The following UNC5D variants were observed in gnomAD, a reference collection of about 807,000 sequenced individuals.
The protein encoded by UNC5D is netrin receptor UNC5D.
A neutral mutation model predicts 105.4 loss-of-function variants in UNC5D; 39 were observed. That is an observed-to-expected ratio of 0.37 (90% CI 0.29 to 0.48). The LOEUF is 0.48. Among genes scored for constraint, UNC5D ranks in the 20% least tolerant of loss-of-function variants. The pLI, the probability that UNC5D is intolerant of heterozygous loss-of-function variation, is 0.98. For synonymous variants in UNC5D, 452 were observed against 450.4 expected (o/e 1.00, Z -0.04); for missense variants, 991 against 1,202.4 (o/e 0.82, Z 2.60).
chr8:35,726,376 T>C lies in UNC5D; in HGVS notation c.1528T>C (p.Phe510Leu), dbSNP rs1317860731. ...EYHGKNHSRT[F>L]PHGNNHSFST... ...CCACGGCAAGAATCATTCCAGGACT[T>C]TTCCCCATGGAAACAACCACAGCTT... Residue 510 changes from phenylalanine (F) to leucine (L), a missense_variant, in exon 10 of 17, where the codon TTT (phenylalanine) becomes CTT (leucine). Physicochemically the swap from Phe to Leu is conservative, Grantham distance 22. Transcript: ENST00000404895. The C allele has an allele frequency of 1.2e-6, 2 of 1,614,102 alleles. No individual in the cohort carries two copies. The highest frequency in any genetic ancestry group is 8.5e-7 in the Non-Finnish European group (1 of 1,180,000).
chr8:35,684,409 G>C (rs1825872373), intron 5 of UNC5D, among the ~76,000 whole-genome samples, 173 bp from the exon 6 acceptor site: 1 of 152,132 alleles, frequency 6.6e-6, no homozygotes, highest in East Asian at 1.9e-4. Context: ...CTGAGGACTG[G>C]ATGAGATGAC....
At chr8:35,525,862 C>T (rs1300221764) in intron 1 of UNC5D, 5 of 1,246,466 alleles carry the variant, frequency 4.0e-6, no homozygotes, top group African/African-American at 3.0e-5. Context: ...ATAGTAAAAT[C>T]CAGTTTAGCT....
Position 35,403,141 on chromosome 8 carries a change from T to C in UNC5D, c.104-146151T>C, listed in dbSNP as rs1180981304. Among the ~76,000 whole-genome samples the C allele has an allele frequency of 3.9e-5, 6 of 152,234 alleles. No homozygotes were observed. The South Asian group carries it at 1.0e-3, about 26-fold the overall frequency. ...CAGGCCAGGTCATCACATTATACCA[T>C]GTAAATCACAGAAATGAAAGCATAG... On this transcript the variant is annotated intron_variant, in intron 1 of 16. Transcript: ENST00000404895.
intron 1 of UNC5D, among the ~76,000 whole-genome samples, chr8:35,479,546 C>T (rs1014768819): frequency 4.3e-4 from 65 of 152,062 alleles, no homozygotes; most frequent in African/African-American, 1.6e-3. Context: ...CCAAGATGCC[C>T]ATCAACAGTA....
chr8:35,705,323 T>G (rs1242374074), intron 7 of UNC5D, among the ~76,000 whole-genome samples: 1 of 152,216 alleles, frequency 6.6e-6, no homozygotes, highest in Non-Finnish European at 1.5e-5. Context: ...ACTGTGATTA[T>G]AAAATGACAA....
rs762133065 is a variant in UNC5D at position 35,790,499 on chromosome 8, C to G, written c.2798C>G (p.Ser933Ter). The G allele has an allele frequency of 1.9e-6, 3 of 1,613,916 alleles. No individual in the cohort carries two copies. Among genetic ancestry groups the G allele is most frequent in the South Asian group, 1.1e-5 (1 of 91,080 alleles). The change falls in exon 17 of 17, where the codon TCA (serine) becomes TGA (stop). Residue 933 changes from serine (S) to a stop codon, truncating the protein, a stop_gained. Coordinates refer to ENST00000404895, the MANE Select transcript of UNC5D (RefSeq NM_080872.4). LOFTEE classifies it high-confidence loss of function. ...EEIGRTHTKL[S>*]NISESQLDEA... ...ATTGGGAGGACACACACGAAACTCT[C>G]AAACATTTCAGAATCCCAGCTTGAT...
intron 1 of UNC5D, among the ~76,000 whole-genome samples, chr8:35,427,210 G>C (rs1806311175): frequency 6.6e-6 from 1 of 152,148 alleles, no homozygotes; most frequent in Non-Finnish European, 1.5e-5. Flanking sequence ...ATAAGAAGAT[G>C]CTGACATGCT....
chr8:35,666,034 G>A (rs1357620133), intron 4 of UNC5D, among the ~76,000 whole-genome samples: 2 of 151,290 alleles, frequency 1.3e-5, no homozygotes, highest in Non-Finnish European at 2.9e-5. Context: ...TTCTTGAATG[G>A]ATTATTAGGG....
In UNC5D at chr8:35,486,545, A is replaced by G. The variant is rs75570393; in HGVS notation, c.104-62747A>G. Among the ~76,000 whole-genome samples the G allele has an allele frequency of 4.1e-3, 627 of 152,274 alleles. 8 individuals are homozygous for G. The highest frequency in any genetic ancestry group is 0.014 in the African/African-American group (591 of 41,562). On this transcript the variant is annotated intron_variant, in intron 1 of 16. Transcript: ENST00000404895. ...AGAGTCAAGTCATAATTTTTTAATT[A>G]TTATTAACTAGGTTTTATTTTCATC...
intron 4 of UNC5D, among the ~76,000 whole-genome samples, chr8:35,611,337 G>A (rs1820667865): frequency 6.6e-6 from 1 of 152,062 alleles, no homozygotes; most frequent in South Asian, 2.1e-4. Flanking sequence ...TTATCAAAAA[G>A]CTTCGTGGCC....
At chr8:35,446,133 T>A (rs2128987435) in intron 1 of UNC5D, among the ~76,000 whole-genome samples, 1 of 152,022 alleles carries the variant, frequency 6.6e-6, no homozygotes, top group East Asian at 1.9e-4. Flanking sequence ...TGACCTCAAT[T>A]TGTAGCCTTT....
At chr8:35,604,136 C>T (rs966281741) in intron 4 of UNC5D, among the ~76,000 whole-genome samples, 1 of 152,080 alleles carries the variant, frequency 6.6e-6, no homozygotes, top group African/African-American at 2.4e-5. Flanking sequence ...TTCTTCGTAG[C>T]CTTGAGGGTC....
intron 2 of UNC5D, among the ~76,000 whole-genome samples, chr8:35,560,128 C>A (rs1816855390): frequency 6.6e-6 from 1 of 152,204 alleles, no homozygotes; most frequent in Non-Finnish European, 1.5e-5. Flanking sequence ...TTATAATTTG[C>A]ACAATAATTT....
intron 4 of UNC5D, among the ~76,000 whole-genome samples, chr8:35,653,347 T>C (rs532189195): frequency 2.0e-5 from 3 of 152,288 alleles, no homozygotes; most frequent in African/African-American, 7.2e-5. Context: ...ACATTTTATA[T>C]ATCCTGTGTG....
Position 35,511,596 on chromosome 8 carries a change from A to G in UNC5D, c.104-37696A>G, listed in dbSNP as rs1393342022. Reference sequence around the variant, plus strand: ...TCGAGAGGAGTTAAGTAAATTGATGAAGGCCTCACAATAATAAGTGGTAGG... The same window carrying G: ...TCGAGAGGAGTTAAGTAAATTGATGGAGGCCTCACAATAATAAGTGGTAGG... On this transcript the variant is annotated intron_variant, in intron 1 of 16. Transcript: ENST00000404895. Among the ~76,000 whole-genome samples, 5 of 152,080 alleles carry G rather than the reference A, an allele frequency of 3.3e-5. No homozygotes were observed. In the East Asian group the frequency reaches 7.7e-4, roughly 23 times the overall value.
At chr8:35,327,519 CTG>C (rs897692558) in intron 1 of UNC5D, among the ~76,000 whole-genome samples, 6 of 152,206 alleles carry the variant, frequency 3.9e-5, no homozygotes, top group African/African-American at 1.4e-4. Flanking sequence ...GCCCAGATTT[CTG>C]TGAGTGCACA....
intron 1 of UNC5D, among the ~76,000 whole-genome samples, chr8:35,453,938 C>G (rs1404472633): frequency 6.6e-6 from 1 of 152,126 alleles, no homozygotes; most frequent in Non-Finnish European, 1.5e-5. Flanking sequence ...CTACCCCCTG[C>G]TATTTCTCCT....
At chr8:35,340,180 A>G (rs1161286963) in intron 1 of UNC5D, among the ~76,000 whole-genome samples, 1 of 152,184 alleles carries the variant, frequency 6.6e-6, no homozygotes, top group African/African-American at 2.4e-5. Flanking sequence ...TTTTCTCATG[A>G]ACCCTTGCCT....
chr8:35,297,259 C>A (rs1474669654), intron 1 of UNC5D, among the ~76,000 whole-genome samples: 1 of 152,128 alleles, frequency 6.6e-6, no homozygotes. Context: ...GCTAGTCACA[C>A]AAAGAATTCT....
Sources: allele counts gnomAD v4.1 joint callset (sites outside exome capture counted in the v4.1 genomes callset), GRCh38; gene constraint gnomAD v4.1.1; transcripts MANE v1.5; gene names NCBI Gene and HGNC (gene_info 2026-07-23, HGNC 2026-07-21).